CTNNBIP1: variants seen among roughly 807,000 people sequenced by gnomAD.
CTNNBIP1 encodes catenin beta interacting protein 1.
Under a neutral mutation model 11.8 loss-of-function variants are expected in CTNNBIP1, and 7 were observed. The observed-to-expected ratio is 0.60, with a 90% CI of 0.34 to 1.12. The LOEUF (loss-of-function observed/expected upper bound fraction) is 1.12, where lower values mean the gene tolerates loss of function less well. Ranked by LOEUF, CTNNBIP1 falls within the 50% of genes most tolerant of loss-of-function variation. The pLI is 0.03. For synonymous variants in CTNNBIP1, 58 were observed against 43.9 expected, an observed-to-expected ratio of 1.32 and a Z score of -1.26; for missense variants, 101 against 113.4, an observed-to-expected ratio of 0.89 and a Z score of 0.50.
chr1:9,875,781 C>A (rs916661538), intron 3 of CTNNBIP1, among the ~76,000 whole-genome samples: 3 of 152,212 alleles, frequency 2.0e-5, no homozygotes, highest in African/African-American at 7.2e-5. Flanking sequence ...GAAATGCAGC[C>A]AGGAGCACAT....
intron 1 of CTNNBIP1, among the ~76,000 whole-genome samples, chr1:9,897,790 T>G (rs1394114075): frequency 6.6e-6 from 1 of 150,642 alleles, no homozygotes; most frequent in East Asian, 2.0e-4. Context: ...TTCCAGCCTG[T>G]GTGAAGAGTG....
chr1:9,887,410 T>C (rs1425465872), intron 1 of CTNNBIP1, among the ~76,000 whole-genome samples: 4 of 152,248 alleles, frequency 2.6e-5, no homozygotes, highest in Non-Finnish European at 5.9e-5. Flanking sequence ...TTATCCATTT[T>C]AACTGAAATT....
intron 5 of CTNNBIP1, among the ~76,000 whole-genome samples, chr1:9,861,711 C>T (rs1227548370): frequency 2.0e-5 from 3 of 152,182 alleles, no homozygotes; most frequent in African/African-American, 7.2e-5. Flanking sequence ...CCTGGAACAG[C>T]CAAAAAGAGC....
At position 9,867,560 on chromosome 1, in the gene CTNNBIP1, C is replaced by G. The variant is rs761870744; in HGVS notation, c.187+3627G>C. The stretch of plus-strand genomic sequence containing the variant: ...GTGCTGTCCGTTGGAGGGTCTGCCT[C>G]AGACCCCCTGCTAGAGGAGTCCCGG... On this transcript the variant is annotated intron_variant, in intron 5 of 5. Transcript: ENST00000377263. This position sits in a 1 kb window ranked among gnomAD's most constrained non-coding sequence, Gnocchi z 4.6. 7.2e-5 allele frequency among the ~76,000 whole-genome samples: 11 copies of G among 152,166 alleles called. No homozygotes were observed. The highest frequency in any genetic ancestry group is 1.3e-4 in the Non-Finnish European group (9 of 68,014).
rs1037646739 is a variant in CTNNBIP1, at chr1:9,864,483, C to T, written c.187+6704G>A. 4.6e-5 allele frequency among the ~76,000 whole-genome samples: 7 copies of T among 152,364 alleles called. No individual in the cohort carries two copies. In the East Asian group the frequency reaches 5.8e-4, roughly 13 times the overall value. On this transcript the variant is annotated intron_variant, in intron 5 of 5. Transcript: ENST00000377263. The stretch of plus-strand genomic sequence containing the variant: ...AGCCAGGACTACAGGCGCCCGCCAC[C>T]ACGCCCGGCTAATTTTTTGTATTTT...
chr1:9,862,670 G>A, intron 5 of CTNNBIP1, among the ~76,000 whole-genome samples: 1 of 151,882 alleles, frequency 6.6e-6, no homozygotes, highest in Non-Finnish European at 1.5e-5. Context: ...CTTCCCACCG[G>A]TTTCTCTACA....
At chr1:9,909,105 T>G (rs1639679272) in intron 1 of CTNNBIP1, among the ~76,000 whole-genome samples, 1 of 152,204 alleles carries the variant, frequency 6.6e-6, no homozygotes, top group African/African-American at 2.4e-5. Context: ...GCCCAGTGGT[T>G]GTAGCAGGGA....
intron 1 of CTNNBIP1, among the ~76,000 whole-genome samples, chr1:9,903,307 T>C (rs1639557546): frequency 6.6e-6 from 1 of 152,182 alleles, no homozygotes; most frequent in Non-Finnish European, 1.5e-5. Flanking sequence ...CTCTTGGCCC[T>C]GCCATTGGGG....
intron 1 of CTNNBIP1, among the ~76,000 whole-genome samples, chr1:9,905,939 T>G (rs1415633315): frequency 1.3e-5 from 2 of 152,144 alleles, no homozygotes; most frequent in African/African-American, 4.8e-5. Flanking sequence ...GGTACTATAT[T>G]ATAAGAGTAG....
At chr1:9,852,762 C>A (rs1471206348) in intron 5 of CTNNBIP1, among the ~76,000 whole-genome samples, 1 of 152,214 alleles carries the variant, frequency 6.6e-6, no homozygotes, top group Non-Finnish European at 1.5e-5. Context: ...ATGGTGGCAG[C>A]CCGCTCACTC....
rs191066144 is a variant in CTNNBIP1 at position 9,874,740 on chromosome 1, G to T, written c.-24-2652C>A. Reference sequence around the variant, plus strand: ...AATAGTGAAACAGCCTGTGGTGTCTGAGCTTCTCCCACTCTGCAATATCCA... The same window carrying T: ...AATAGTGAAACAGCCTGTGGTGTCTTAGCTTCTCCCACTCTGCAATATCCA... On this transcript the variant is annotated intron_variant, in intron 3 of 5. Transcript: ENST00000377263. 5.8e-3 allele frequency among the ~76,000 whole-genome samples: 882 copies of T among 152,328 alleles called. 4 individuals carry two copies. Among genetic ancestry groups the T allele is most frequent in the Non-Finnish European group, 9.1e-3 (616 of 68,032 alleles).
At chr1:9,888,742 G>A (rs528350462) in intron 1 of CTNNBIP1, among the ~76,000 whole-genome samples, 4 of 152,224 alleles carry the variant, frequency 2.6e-5, no homozygotes, top group South Asian at 2.1e-4. Context: ...GTCTGCTGCC[G>A]TGGGAGTGAT....
chr1:9,902,701 C>T (rs547248546), intron 1 of CTNNBIP1, among the ~76,000 whole-genome samples: 2 of 152,310 alleles, frequency 1.3e-5, no homozygotes, highest in African/African-American at 4.8e-5. Context: ...TTCATTCACA[C>T]GATCCCAACT....
At chr1:9,892,520 G>A (rs1639326466) in intron 1 of CTNNBIP1, among the ~76,000 whole-genome samples, 1 of 151,596 alleles carries the variant, frequency 6.6e-6, no homozygotes, top group East Asian at 1.9e-4. Context: ...AAGAGCCCAG[G>A]AGTCTGAGGT....
chr1:9,885,838 AG>A (rs1294747625), intron 1 of CTNNBIP1, among the ~76,000 whole-genome samples: 3 of 151,862 alleles, frequency 2.0e-5, no homozygotes, highest in Admixed American at 6.6e-5. Flanking sequence ...AGGCTGAGGC[AG>A]GAGAATCGCT....
intron 5 of CTNNBIP1, among the ~76,000 whole-genome samples, chr1:9,860,454 A>G (rs1767270): frequency 2.3e-5 from 3 of 133,170 alleles, no homozygotes; most frequent in Non-Finnish European, 4.7e-5. Flanking sequence ...AAAAAAAAAA[A>G]CAAAACTTAG....
In CTNNBIP1 at chr1:9,850,562, C is replaced by A. The variant is rs769691258; in HGVS notation, c.*156G>T. Reference sequence around the variant, plus strand: ...CACTGGTGTCTCCCTTGATGCCAGCCCCACTGAGTAGCTGTGAGGTGGGGT... The same window carrying A: ...CACTGGTGTCTCCCTTGATGCCAGCACCACTGAGTAGCTGTGAGGTGGGGT... On this transcript the variant is annotated 3_prime_UTR_variant, in exon 6 of 6. Coordinates refer to ENST00000377263, the MANE Select transcript of CTNNBIP1 (RefSeq NM_020248.3). 4 of 668,488 alleles carry A rather than the reference C, an allele frequency of 6.0e-6. No homozygotes were observed. Among genetic ancestry groups the A allele is most frequent in the Non-Finnish European group, 1.1e-5 (4 of 362,554 alleles). 41.4% of individuals were successfully genotyped at this position (668,488 alleles called of 1,614,324 possible).
In CTNNBIP1 at chr1:9,860,941, G is replaced by A. The variant is rs374861612; in HGVS notation, c.188-10165C>T. ...GGCTGATGCGGGGAGCTCCCTTTGT[G>A]AGTCACCATCAGCAGAGGGAGCTAA... On this transcript the variant is annotated intron_variant, in intron 5 of 5. Coordinates refer to ENST00000377263, the MANE Select transcript of CTNNBIP1 (RefSeq NM_020248.3). Among the ~76,000 whole-genome samples, 94 of 152,324 alleles carry A rather than the reference G, an allele frequency of 6.2e-4. 1 individual carries two copies. The highest frequency in any genetic ancestry group is 1.9e-3 in the South Asian group (9 of 4,828).
rs1234356903 is a variant in CTNNBIP1, at chr1:9,851,306, C to T, written c.188-530G>A. Among the ~76,000 whole-genome samples, 4 of 152,304 alleles carry T rather than the reference C, an allele frequency of 2.6e-5. No individual in the cohort carries two copies. The highest frequency in any genetic ancestry group is 1.9e-4 in the East Asian group (1 of 5,184). ...CCGGGCCCACGTCCAGCCTGCTGTC[C>T]GCCTGGCTCTGACTGAGACAGATAT... On this transcript the variant is annotated intron_variant, in intron 5 of 5. Transcript: ENST00000377263. The surrounding 1 kb of genome is among the most constrained non-coding windows in gnomAD (Gnocchi z 4.8).
Sources: gnomAD v4.1 joint callset for allele counts (sites outside exome capture counted in the v4.1 genomes callset) on GRCh38, gnomAD v4.1.1 for gene constraint, Gnocchi (gnomAD v3.1) non-coding constraint, MANE v1.5 for transcripts, NCBI Gene and HGNC (gene_info 2026-07-23, HGNC 2026-07-21) for gene names.